JAKMIP3: variants seen among roughly 807,000 people sequenced by gnomAD.
JAKMIP3 encodes the protein janus kinase and microtubule-interacting protein 3.
JAKMIP3 carries 58 observed loss-of-function variants against 118.5 expected under a neutral mutation model. That is an observed-to-expected ratio of 0.49 (90% CI 0.40 to 0.61). The LOEUF is 0.61. Ranked by LOEUF, JAKMIP3 falls within the 20% of genes least tolerant of loss-of-function variation. JAKMIP3 has a pLI of 0.00. For synonymous variants in JAKMIP3, 486 were observed against 451.2 expected (o/e 1.08, Z -0.98); for missense variants, 950 against 1,109.0 (o/e 0.86, Z 2.04).
intron 3 of JAKMIP3, among the ~76,000 whole-genome samples, chr10:132,131,054 C>T (rs2050473347): frequency 6.6e-6 from 1 of 152,002 alleles, no homozygotes; most frequent in Non-Finnish European, 1.5e-5. Flanking sequence ...TCAGCGTCGG[C>T]CTGCACACCC....
intron 1 of JAKMIP3, among the ~76,000 whole-genome samples, chr10:132,040,961 C>T (rs2037724968): frequency 1.3e-5 from 2 of 152,206 alleles, no homozygotes; most frequent in Non-Finnish European, 2.9e-5. Flanking sequence ...TGGCTTATTT[C>T]ACTTAGCATG....
chr10:132,059,715 G>A (rs138407412), upstream of JAKMIP3, among the ~76,000 whole-genome samples: 3 of 152,364 alleles, frequency 2.0e-5, no homozygotes, highest in African/African-American at 7.2e-5. Flanking sequence ...CAGGAATGAG[G>A]TAGGCAAGAA....
chr10:132,173,976 CTGGTGGTCTGTGGTGTGTCTG>C (rs1264041981), intron 23 of JAKMIP3, among the ~76,000 whole-genome samples: 16 of 130,970 alleles, frequency 1.2e-4, no homozygotes, highest in African/African-American at 4.8e-4. Flanking sequence ...TGGTGTGTCT[CTGGTGGTCTGTGGTGTGTCTG>C]TGGTAGTGTG....
chr10:132,041,137 C>A (rs1328620054), intron 1 of JAKMIP3, among the ~76,000 whole-genome samples: 1 of 152,186 alleles, frequency 6.6e-6, no homozygotes, highest in African/African-American at 2.4e-5. Context: ...CTCACTGCAA[C>A]CTCTGCCTCC....
At chr10:132,097,899 C>CCCCTTT (rs1564892477) in intron 1 of JAKMIP3, among the ~76,000 whole-genome samples, 2 of 43,892 alleles carry the variant, frequency 4.6e-5, no homozygotes, top group African/African-American at 1.4e-4. Context: ...CCTTCCCCTT[C>CCCCTTT]CCCTTCCCCT....
chr10:132,050,642 G>T (rs1888120), intron 1 of JAKMIP3, among the ~76,000 whole-genome samples: 86,767 of 151,978 alleles, frequency 0.57, 24,983 homozygotes, highest in East Asian at 0.72. Context: ...ATTTGGGGGG[G>T]GTTGATTATG....
intron 13 of JAKMIP3, among the ~76,000 whole-genome samples, chr10:132,147,325 C>T (rs185882460): frequency 0.11 from 17,283 of 152,310 alleles, 1,335 homozygotes; most frequent in Non-Finnish European, 0.16. Context: ...GTGGCCCCTG[C>T]CCTCATGAGG....
intron 3 of JAKMIP3, among the ~76,000 whole-genome samples, chr10:132,124,905 A>G (rs2049224216): frequency 6.6e-6 from 1 of 152,216 alleles, no homozygotes; most frequent in South Asian, 2.1e-4. Context: ...AGCGGCAAGA[A>G]AGAGGCTGGC....
At chr10:132,182,190 G>T (rs2061559458) in intron 23 of JAKMIP3, among the ~76,000 whole-genome samples, 167 bp from the exon 24 acceptor site, 1 of 152,236 alleles carries the variant, frequency 6.6e-6, no homozygotes. Context: ...TGGCGCTGTA[G>T]CTGGTGCTGG....
chr10:132,121,468 G>A (rs1213146373), intron 3 of JAKMIP3, among the ~76,000 whole-genome samples: 1 of 152,214 alleles, frequency 6.6e-6, no homozygotes, highest in African/African-American at 2.4e-5. Flanking sequence ...GAACATTCTG[G>A]TGTGGGACGC....
At chr10:132,036,922 C>T (rs996992122) in intron 1 of JAKMIP3, among the ~76,000 whole-genome samples, 51 of 151,994 alleles carry the variant, frequency 3.4e-4, no homozygotes, top group Non-Finnish European at 7.1e-4. Context: ...CCTCTCCCGG[C>T]GGTCCCCCCG....
At chr10:132,101,921 A>T (rs1271038426) in intron 1 of JAKMIP3, among the ~76,000 whole-genome samples, 3 of 151,930 alleles carry the variant, frequency 2.0e-5, no homozygotes, top group African/African-American at 7.3e-5. Context: ...AGTCCCCTTC[A>T]TGGGTCCCCA....
rs1417856465 is a variant in JAKMIP3 at position 132,153,014 on chromosome 10, G to A, written c.2064G>A (p.Leu688=). Residue 688 remains leucine (L), a synonymous_variant, in exon 17 of 24, where the codon TTG becomes TTA. Transcript: ENST00000684848. ...VVIQARTVLT[L]AEKWLQQIEE... Reference sequence around the variant, plus strand: ...TACAAGCCAGGACAGTCCTGACCTTGGCCGAAAAGGTAACAGCAGCTGTGT... The same window carrying A: ...TACAAGCCAGGACAGTCCTGACCTTAGCCGAAAAGGTAACAGCAGCTGTGT... The A allele has an allele frequency of 6.2e-7, 1 of 1,607,572 alleles. No individual in the cohort carries two copies. The highest frequency in any genetic ancestry group is 2.2e-5 in the East Asian group (1 of 44,730).
upstream of JAKMIP3, among the ~76,000 whole-genome samples, chr10:132,061,575 C>T (rs531909868): frequency 2.0e-5 from 3 of 152,262 alleles, no homozygotes; most frequent in Admixed American, 1.3e-4. Context: ...ACTAGAGGCA[C>T]GTTGGGGCAG....
In JAKMIP3 at chr10:132,095,225, C is replaced by T. The variant is rs574766107; in HGVS notation, c.-137-9447C>T. 5.9e-5 allele frequency among the ~76,000 whole-genome samples: 9 copies of T among 152,330 alleles called. No homozygotes were observed. The South Asian group carries it at 1.9e-3, about 32-fold the overall frequency. ...TCTGTCACTGGATTCACACCCTCCCCCAAGTTCTGGCCAGGAGGCTTCTCC... is the reference window on the plus strand; with the variant it reads ...TCTGTCACTGGATTCACACCCTCCCTCAAGTTCTGGCCAGGAGGCTTCTCC... On this transcript the variant is annotated intron_variant, in intron 1 of 23. Transcript: ENST00000684848.
rs555395733 is a variant in JAKMIP3 at position 132,179,281 on chromosome 10, C to T, written c.*1104-3076C>T. On this transcript the variant is annotated intron_variant, in intron 23 of 23. Transcript: ENST00000684848. The surrounding 1 kb of genome is among the most constrained non-coding windows in gnomAD (Gnocchi z 4.3). ...CCTCCCCCAGCATCATGCACGGTCA[C>T]GGGGCTGTATTTGTTGACGGGACTT... Among the ~76,000 whole-genome samples the T allele has an allele frequency of 1.2e-4, 19 of 152,304 alleles. No individual in the cohort carries two copies. Among genetic ancestry groups the T allele is most frequent in the African/African-American group, 3.4e-4 (14 of 41,570 alleles).
intron 21 of JAKMIP3, 132 bp from the exon 22 acceptor site, chr10:132,166,851 A>G (rs2058958630): frequency 1.4e-6 from 1 of 696,170 alleles, no homozygotes; most frequent in Non-Finnish European, 2.5e-6. Flanking sequence ...ACAGTCCTTA[A>G]TAGCGTCCTC....
chr10:132,036,809 G>C (rs1240972097), intron 1 of JAKMIP3, among the ~76,000 whole-genome samples: 1 of 151,636 alleles, frequency 6.6e-6, no homozygotes. Flanking sequence ...CGGTGCGTCC[G>C]GGACGCGGGC....
At chr10:132,093,640 G>T (rs183917031) in intron 1 of JAKMIP3, among the ~76,000 whole-genome samples, 1 of 152,156 alleles carries the variant, frequency 6.6e-6, no homozygotes, top group Non-Finnish European at 1.5e-5. Context: ...GTCCATCACC[G>T]CTTCCCTTGG....
Sources: allele counts gnomAD v4.1 joint callset (sites outside exome capture counted in the v4.1 genomes callset), GRCh38; gene constraint gnomAD v4.1.1; non-coding constraint Gnocchi (gnomAD v3.1); transcripts MANE v1.5; gene names NCBI Gene and HGNC (gene_info 2026-07-23, HGNC 2026-07-21).